Variants in USP50 observed in about 807,000 individuals in gnomAD.
USP50 encodes the protein ubiquitin specific peptidase 50.
A neutral mutation model predicts 39.2 loss-of-function variants in USP50; 37 were observed. The observed-to-expected ratio is 0.94, with a 90% confidence interval of 0.73 to 1.24. The LOEUF is 1.24. Ranked by LOEUF, USP50 falls within the 50% of genes most tolerant of loss-of-function variation. The probability of loss-of-function intolerance (pLI) is 0.00; values close to 1 mark genes in which losing one functional copy is unlikely to be tolerated. For synonymous variants in USP50, 139 were observed against 144.5 expected, an observed-to-expected ratio of 0.96 and a Z score of 0.27; for missense variants, 374 against 398.2, an observed-to-expected ratio of 0.94 and a Z score of 0.52.
At chr15:50,545,679 AGC>A (rs2053065829) in intron 1 of USP50, among the ~76,000 whole-genome samples, 1 of 151,978 alleles carries the variant, frequency 6.6e-6, no homozygotes, top group Non-Finnish European at 1.5e-5. Context: ...GTATGTATAT[AGC>A]TATATACATA....
At chr15:50,493,328 T>C (rs1595986267), downstream of USP50, 1 of 520,214 alleles carries the variant, frequency 1.9e-6, no homozygotes, top group African/African-American at 1.9e-5. Context: ...AGTAAGCATT[T>C]TGGTGTAGGG....
At position 50,530,321 on chromosome 15, in the gene USP50, G is replaced by A. The variant is rs1283282437; in HGVS notation, c.804-392C>T. Among the ~76,000 whole-genome samples, 3 of 151,084 alleles carry A rather than the reference G, an allele frequency of 2.0e-5. No homozygotes were observed. The East Asian group carries it at 5.9e-4, about 30-fold the overall frequency. On this transcript the variant is annotated intron_variant, in intron 5 of 6. Coordinates refer to ENST00000532404, the MANE Select transcript of USP50 (RefSeq NM_203494.5). ...CTTCTGGCCTGGCAAGGTGGCTCAC[G>A]CCTGTAATCCTAGCACTTTGGGAGG...
At chr15:50,540,647 A>G (rs1485895951) in intron 4 of USP50, among the ~76,000 whole-genome samples, 1 of 152,108 alleles carries the variant, frequency 6.6e-6, no homozygotes, top group African/African-American at 2.4e-5. Flanking sequence ...TATTTGAGAC[A>G]GAGACTCACT....
chr15:50,527,979 C>G (rs1009037111), intron 6 of USP50, among the ~76,000 whole-genome samples: 2 of 151,912 alleles, frequency 1.3e-5, no homozygotes, highest in African/African-American at 4.8e-5. Flanking sequence ...CTTCAATTTG[C>G]AGCAAATTCT....
chr15:50,516,319 A>G (rs919089842), intron 6 of USP50, among the ~76,000 whole-genome samples: 1 of 152,132 alleles, frequency 6.6e-6, no homozygotes, highest in Non-Finnish European at 1.5e-5. Context: ...ACAAACAAAC[A>G]TGCCAGATGT....
intron 6 of USP50, among the ~76,000 whole-genome samples, chr15:50,518,293 T>C (rs545219007): frequency 4.5e-4 from 68 of 151,630 alleles, no homozygotes; most frequent in African/African-American, 1.6e-3. Context: ...CGATCTTGGC[T>C]CACTGCAAGT....
chr15:50,500,857 C>A lies in USP50; in HGVS notation c.937-20G>T. On this transcript the variant is annotated intron_variant, in intron 6 of 6. Coordinates refer to ENST00000532404, the MANE Select transcript of USP50 (RefSeq NM_203494.5). Reference sequence around the variant, plus strand: ...ATGGTTCTATGGGAGAAAGGAATGTCAAACTTAGTATTCACATATGAACAC... The same window carrying A: ...ATGGTTCTATGGGAGAAAGGAATGTAAAACTTAGTATTCACATATGAACAC... The A allele has an allele frequency of 6.4e-7, 1 of 1,562,210 alleles. No homozygotes were observed. Among genetic ancestry groups the A allele is most frequent in the South Asian group, 1.2e-5 (1 of 84,838 alleles).
chr15:50,496,940 A>G (rs1251631324), downstream of USP50: 7 of 957,364 alleles, frequency 7.3e-6, no homozygotes, highest in African/African-American at 1.7e-5. Flanking sequence ...GCTTCTCACT[A>G]GATCACAAGC....
At chr15:50,543,118 G>A (rs2141381397) in intron 3 of USP50, among the ~76,000 whole-genome samples, 1 of 152,290 alleles carries the variant, frequency 6.6e-6, no homozygotes, top group South Asian at 2.1e-4. Flanking sequence ...ACTTTGTAGT[G>A]CGTAGATCTG....
intron 6 of USP50, chr15:50,506,041 G>C (rs1823692986): frequency 6.6e-6 from 1 of 152,182 alleles, no homozygotes; most frequent in Admixed American, 6.5e-5. Context: ...TGGGAGCAGA[G>C]TATAAAGATC....
At chr15:50,497,168 G>A (rs752820652), downstream of USP50, 11 of 1,610,530 alleles carry the variant, frequency 6.8e-6, no homozygotes, top group East Asian at 2.2e-5. Flanking sequence ...AGAGCTCGAC[G>A]GGATTCTCTA....
intron 6 of USP50, chr15:50,503,973 A>G (rs1393174711): frequency 6.6e-6 from 1 of 152,208 alleles, no homozygotes; most frequent in African/African-American, 2.4e-5. Context: ...AGAAGAAGGA[A>G]ACAAACTTTA....
intron 6 of USP50, among the ~76,000 whole-genome samples, chr15:50,525,622 G>GTA (rs1555395214): frequency 7.7e-6 from 1 of 130,478 alleles, no homozygotes; most frequent in African/African-American, 3.0e-5. Context: ...ATGTATATAT[G>GTA]TATATGTATA....
At position 50,541,046 on chromosome 15, in the gene USP50, T is replaced by A; in HGVS notation, c.660+3A>T. ...AAAGTGTCCAGGAATACTGCATTCC[T>A]ACCCGAAGGGAGCATTCATATTTGG... On this transcript the variant is annotated splice_donor_region_variant and intron_variant, in intron 4 of 6. Coordinates refer to ENST00000532404, the MANE Select transcript of USP50 (RefSeq NM_203494.5). 2 of 1,611,556 alleles carry A rather than the reference T, an allele frequency of 1.2e-6. No individual in the cohort carries two copies. The highest frequency in any genetic ancestry group is 1.7e-6 in the Non-Finnish European group (2 of 1,177,752).
At chr15:50,514,225 G>A (rs1008017073) in intron 6 of USP50, 4 of 152,124 alleles carry the variant, frequency 2.6e-5, no homozygotes, top group African/African-American at 7.2e-5. Flanking sequence ...CTATAAATCT[G>A]TCCTGCCAGA....
At chr15:50,506,157 C>G (rs1293042932) in intron 6 of USP50, 1 of 152,094 alleles carries the variant, frequency 6.6e-6, no homozygotes, top group Non-Finnish European at 1.5e-5. Flanking sequence ...ATAAAGAAAG[C>G]TTTATCAGTT....
At chr15:50,496,046 T>A, downstream of USP50, 1 of 1,613,760 alleles carries the variant, frequency 6.2e-7, no homozygotes, top group Non-Finnish European at 8.5e-7. Context: ...CATGTATTTG[T>A]CTCTACCACT....
At chr15:50,543,845 C>T (rs376175424) in intron 2 of USP50, 52 bp from the exon 3 acceptor site, 7 of 1,524,880 alleles carry the variant, frequency 4.6e-6, no homozygotes, top group African/African-American at 2.7e-5. Flanking sequence ...AAAGAAGGCA[C>T]CTAATCACCC....
intron 6 of USP50, among the ~76,000 whole-genome samples, chr15:50,518,960 A>T (rs1159931782): frequency 2.0e-5 from 3 of 152,156 alleles, no homozygotes; most frequent in Non-Finnish European, 4.4e-5. Context: ...CAAACAACTC[A>T]ACAACAACAA....
Sources: gnomAD v4.1 joint callset for allele counts (sites outside exome capture counted in the v4.1 genomes callset) on GRCh38, gnomAD v4.1.1 for gene constraint, MANE v1.5 for transcripts, NCBI Gene and HGNC (gene_info 2026-07-23, HGNC 2026-07-21) for gene names.